GABRB3: variants seen among roughly 807,000 people sequenced by gnomAD.
The protein encoded by GABRB3 is gamma-aminobutyric acid receptor subunit beta-3.
A neutral mutation model predicts 52.1 loss-of-function variants in GABRB3; 14 were observed. That is an observed-to-expected ratio of 0.27 (90% confidence interval 0.18 to 0.42). The LOEUF (loss-of-function observed/expected upper bound fraction) is 0.42, where lower values mean the gene tolerates loss of function less well. Ranked by LOEUF, GABRB3 falls within the 10% of genes least tolerant of loss-of-function variation. The probability of loss-of-function intolerance (pLI) is 1.00; values close to 1 mark genes in which losing one functional copy is unlikely to be tolerated. For missense variants in GABRB3, 307 were observed against 609.1 expected, an observed-to-expected ratio of 0.50 and a Z score of 5.22; for synonymous variants, 260 against 232.3, an observed-to-expected ratio of 1.12 and a Z score of -1.08.
At chr15:26,709,613 G>A (rs1190530804) in intron 3 of GABRB3, among the ~76,000 whole-genome samples, 1 of 140,162 alleles carries the variant, frequency 7.1e-6, no homozygotes, top group Non-Finnish European at 1.5e-5. Context: ...TGCCTCCTGG[G>A]TTCATGCCAT....
chr15:26,632,058 C>T (rs1037119860), intron 3 of GABRB3, among the ~76,000 whole-genome samples: 1 of 152,232 alleles, frequency 6.6e-6, no homozygotes, highest in Admixed American at 6.5e-5. Flanking sequence ...GCCGAAGTCT[C>T]AAGTTGGCCT....
At chr15:26,727,275 T>C (rs898043982) in intron 3 of GABRB3, among the ~76,000 whole-genome samples, 1 of 152,244 alleles carries the variant, frequency 6.6e-6, no homozygotes, top group Non-Finnish European at 1.5e-5. Context: ...ACCTCTACAG[T>C]AAGGAAGACA....
intron 3 of GABRB3, among the ~76,000 whole-genome samples, chr15:26,678,643 A>G (rs962914448): frequency 6.6e-6 from 1 of 152,110 alleles, no homozygotes; most frequent in African/African-American, 2.4e-5. Flanking sequence ...AGAGCAAGAG[A>G]AACAGTAAGA....
At chr15:26,599,202 A>C (rs8039070) in intron 4 of GABRB3, among the ~76,000 whole-genome samples, 121,895 of 152,144 alleles carry the variant, frequency 0.8, 50,566 homozygotes, top group East Asian at 0.96. Context: ...CCATTTAGCC[A>C]AAAGTCCACT....
chr15:26,738,241 C>G (rs1890115782), intron 3 of GABRB3, among the ~76,000 whole-genome samples: 1 of 152,054 alleles, frequency 6.6e-6, no homozygotes, highest in African/African-American at 2.4e-5. Flanking sequence ...GGCCACCATG[C>G]CTGGCTAATA....
At chr15:26,602,668 G>T (rs992267727) in intron 4 of GABRB3, among the ~76,000 whole-genome samples, 13 of 151,964 alleles carry the variant, frequency 8.6e-5, no homozygotes, top group African/African-American at 3.1e-4. Flanking sequence ...TGACCAGTGG[G>T]TCAATGAAGA....
At chr15:26,773,745 A>ACCTGCTGGGATCCGCTCTCCC (rs1283389524), upstream of GABRB3, 1 of 1,551,124 alleles carries the variant, frequency 6.4e-7, no homozygotes, top group African/African-American at 1.4e-5. Context: ...CTCCGGCCTA[A>ACCTGCTGGGATCCGCTCTCCC]CCTGCTGGGA....
At chr15:26,614,997 C>T (rs949592940) in intron 4 of GABRB3, 1 of 152,108 alleles carries the variant, frequency 6.6e-6, no homozygotes, top group Non-Finnish European at 1.5e-5. Flanking sequence ...CCCTCGCCAA[C>T]TCATAGCATC....
At chr15:26,765,982 T>C (rs1441280894) in intron 3 of GABRB3, among the ~76,000 whole-genome samples, 1 of 152,172 alleles carries the variant, frequency 6.6e-6, no homozygotes, top group Admixed American at 6.5e-5. Flanking sequence ...TTTCTGAGCC[T>C]ATTTCCTCAT....
chr15:26,772,567 G>T, intron 2 of GABRB3, 98 bp from the exon 3 acceptor site: 1 of 1,451,734 alleles, frequency 6.9e-7, no homozygotes, highest in Non-Finnish European at 9.3e-7. Context: ...CGCGGGCGAA[G>T]GGCCCCCACT....
chr15:26,757,629 A>G (rs193233426), intron 3 of GABRB3, among the ~76,000 whole-genome samples: 251 of 152,368 alleles, frequency 1.6e-3, no homozygotes, highest in South Asian at 4.6e-3. Context: ...GAGACAGTAC[A>G]AGAATACACT....
At chr15:26,731,601 G>A (rs985685079) in intron 3 of GABRB3, among the ~76,000 whole-genome samples, 8 of 152,100 alleles carry the variant, frequency 5.3e-5, no homozygotes, top group African/African-American at 1.9e-4. Context: ...TCAACCAGGA[G>A]ATTAGAGTTT....
chr15:26,626,702 T>C (rs1595494823), intron 3 of GABRB3, among the ~76,000 whole-genome samples: 1 of 152,322 alleles, frequency 6.6e-6, no homozygotes, highest in Middle Eastern at 3.4e-3. Flanking sequence ...CTGTGAAGGC[T>C]GAAAGAGTTA....
At chr15:26,607,004 G>A (rs904670372) in intron 4 of GABRB3, among the ~76,000 whole-genome samples, 8 of 151,966 alleles carry the variant, frequency 5.3e-5, no homozygotes, top group South Asian at 2.1e-4. Context: ...CAATCCCCAC[G>A]GCCATACTTC....
intron 3 of GABRB3, among the ~76,000 whole-genome samples, chr15:26,690,324 C>G (rs1334428465): frequency 6.6e-6 from 1 of 151,966 alleles, no homozygotes; most frequent in African/African-American, 2.4e-5. Flanking sequence ...AGTGACCCTC[C>G]CACCTAGGCC....
At chr15:26,721,783 G>A (rs955696816) in intron 3 of GABRB3, among the ~76,000 whole-genome samples, 11 of 151,918 alleles carry the variant, frequency 7.2e-5, no homozygotes, top group Non-Finnish European at 1.2e-4. Context: ...AATCTGATGA[G>A]ACACGGCTGC....
intron 8 of GABRB3, among the ~76,000 whole-genome samples, chr15:26,553,935 C>T (rs1360444578): frequency 4.1e-5 from 6 of 145,912 alleles, no homozygotes; most frequent in Admixed American, 2.1e-4. Context: ...AGTCCAGTGG[C>T]GTGACCATAG....
chr15:26,629,140 G>A (rs187651350), intron 3 of GABRB3: 17 of 1,520,368 alleles, frequency 1.1e-5, no homozygotes, highest in Admixed American at 5.9e-5. Flanking sequence ...GAAGCTCGGG[G>A]AGGCGCAGGG....
intron 3 of GABRB3, chr15:26,624,685 G>A (rs1892618598): frequency 2.0e-6 from 2 of 983,794 alleles, no homozygotes; most frequent in East Asian, 1.1e-4. Context: ...CCCGCTGCAT[G>A]TGATCAGCCA....
Sources: gnomAD v4.1 joint callset for allele counts (sites outside exome capture counted in the v4.1 genomes callset) on GRCh38, gnomAD v4.1.1 for gene constraint, MANE v1.5 for transcripts, NCBI Gene and HGNC (gene_info 2026-07-23, HGNC 2026-07-21) for gene names.